PAK2: variants seen among roughly 807,000 people sequenced by gnomAD.
PAK2 encodes serine/threonine-protein kinase PAK 2.
Under a neutral mutation model 65.9 loss-of-function variants are expected in PAK2, and 21 were observed. The observed-to-expected ratio is 0.32, with a 90% CI of 0.23 to 0.46. The LOEUF (loss-of-function observed/expected upper bound fraction) is 0.46. Ranked by LOEUF, PAK2 falls within the 20% of genes least tolerant of loss-of-function variation. The pLI, the probability that PAK2 is intolerant of heterozygous loss-of-function variation, is 1.00. For synonymous variants in PAK2, 204 were observed against 219.7 expected (o/e 0.93, Z 0.63); for missense variants, 324 against 642.6 (o/e 0.50, Z 5.36).
chr3:196,825,160 A>G (rs1023777330), intron 13 of PAK2, among the ~76,000 whole-genome samples: 38 of 151,756 alleles, frequency 2.5e-4, no homozygotes, highest in Non-Finnish European at 7.4e-5. Context: ...AGCCTGGCCA[A>G]TGTGGTGAAA....
intron 7 of PAK2, 71 bp from the exon 8 acceptor site, chr3:196,810,519 G>T (rs997469512): frequency 1.2e-6 from 1 of 813,880 alleles, no homozygotes; most frequent in Non-Finnish European, 2.1e-6. Flanking sequence ...TTCATTAAAA[G>T]GAATAATAAT....
intron 1 of PAK2, among the ~76,000 whole-genome samples, chr3:196,754,420 G>A (rs575752221): frequency 3.3e-5 from 5 of 152,094 alleles, no homozygotes; most frequent in Non-Finnish European, 7.4e-5. Flanking sequence ...TGATGAAACC[G>A]CTTCTCAGAT....
intron 14 of PAK2, 100 bp from the exon 15 acceptor site, chr3:196,828,216 TATG>T (rs1276856967): frequency 1.9e-5 from 13 of 696,308 alleles, no homozygotes; most frequent in Admixed American, 1.5e-4. Context: ...TTTATTAAAT[TATG>T]ATCGACAAGT....
rs1712064618 is a variant in PAK2 at position 196,831,049 on chromosome 3, G to C, written c.*2644G>C. 6.6e-6 allele frequency: 1 copy of C among 152,080 alleles called. No individual in the cohort carries two copies. The highest frequency in any genetic ancestry group is 2.4e-5 in the African/African-American group (1 of 41,390). The allele number at this position is 152,080 out of a possible 1,614,324, so 9.4% of individuals were successfully genotyped here. On this transcript the variant is annotated 3_prime_UTR_variant, in exon 15 of 15. Transcript: ENST00000327134. Reference sequence around the variant, plus strand: ...CCACAGGCACCCGCCACCACACCCAGCTATTTTTTTGTATTTTTAGTAGAG... The same window carrying C: ...CCACAGGCACCCGCCACCACACCCACCTATTTTTTTGTATTTTTAGTAGAG...
chr3:196,766,964 G>T lies in PAK2; in HGVS notation c.-21-15662G>T, dbSNP rs868813645. On this transcript the variant is annotated intron_variant, in intron 1 of 14. Coordinates refer to ENST00000327134, the MANE Select transcript of PAK2 (RefSeq NM_002577.4). ...TGTGTGTGTGTGTGTGTGTGTGTGTGTGTGTGTGTGTATTGATACACCTTC... is the reference window on the plus strand; with the variant it reads ...TGTGTGTGTGTGTGTGTGTGTGTGTTTGTGTGTGTGTATTGATACACCTTC... Among the ~76,000 whole-genome samples, 6 of 144,968 alleles carry T rather than the reference G, an allele frequency of 4.1e-5. No homozygotes were observed. In the South Asian group the frequency reaches 8.6e-4, roughly 21 times the overall value.
At position 196,759,489 on chromosome 3, in the gene PAK2, G is replaced by GTTTTTTTT. The variant is rs1418582155; in HGVS notation, c.-22+19333_-22+19340dup. Among the ~76,000 whole-genome samples the GTTTTTTTT allele has an allele frequency of 8.5e-4, 84 of 98,852 alleles. 4 individuals carry two copies. The highest frequency in any genetic ancestry group is 1.8e-3 in the South Asian group (5 of 2,856). 64.9% of individuals were successfully genotyped at this position (98,852 alleles called of 152,430 possible). ...ACCCTTTAAGGTATACAGTTAAGTGGTTTTTTTTGTTTTTTTTTTTTTTTT... is the reference window on the plus strand; with the variant it reads ...ACCCTTTAAGGTATACAGTTAAGTGGTTTTTTTTTTTTTTTTGTTTTTTTTTTTTTTTT... On this transcript the variant is annotated intron_variant, in intron 1 of 14. Transcript: ENST00000327134.
intron 2 of PAK2, among the ~76,000 whole-genome samples, chr3:196,796,174 GT>G (rs1184231026): frequency 6.6e-6 from 1 of 152,182 alleles, no homozygotes; most frequent in East Asian, 1.9e-4. Context: ...GTACCAGTTT[GT>G]GGCCTGGGGG....
chr3:196,811,321 TCCTTC>T (rs1166813689), intron 8 of PAK2, among the ~76,000 whole-genome samples: 9 of 4,302 alleles, frequency 2.1e-3, no homozygotes, highest in Non-Finnish European at 3.4e-3. Flanking sequence ...TTCCTTTCCT[TCCTTC>T]CCTTCCCTCC....
chr3:196,796,887 A>G (rs1434953233), intron 2 of PAK2, among the ~76,000 whole-genome samples: 1 of 152,240 alleles, frequency 6.6e-6, no homozygotes, highest in Non-Finnish European at 1.5e-5. Flanking sequence ...TTAAGATGAT[A>G]TAATAGAACT....
At chr3:196,759,525 T>TTTTTTTTTTTTTTTTTTTTTTTTTTTTTG (rs1560092904) in intron 1 of PAK2, among the ~76,000 whole-genome samples, 2 of 131,628 alleles carry the variant, frequency 1.5e-5, no homozygotes, top group African/African-American at 2.8e-5. Context: ...TTTTTTTTTT[T>TTTTTTTTTTTTTTTTTTTTTTTTTTTTTG]TTTTTTTTTT....
intron 1 of PAK2, among the ~76,000 whole-genome samples, chr3:196,762,522 T>C (rs545907092): frequency 4.0e-5 from 6 of 150,868 alleles, no homozygotes; most frequent in Non-Finnish European, 8.9e-5. Context: ...CAGCGAAACC[T>C]CGTCTCCACC....
intron 5 of PAK2, among the ~76,000 whole-genome samples, chr3:196,805,900 T>C: frequency 6.6e-6 from 1 of 150,586 alleles, no homozygotes. Context: ...TTTATTTTAT[T>C]TATTTATTTA....
chr3:196,810,916 C>A (rs865920988), intron 8 of PAK2, among the ~76,000 whole-genome samples: 1 of 151,798 alleles, frequency 6.6e-6, no homozygotes, highest in Non-Finnish European at 1.5e-5. Flanking sequence ...AAGAATTGCC[C>A]ATAAAATATA....
chr3:196,812,083 T>A, intron 8 of PAK2, 136 bp from the exon 9 acceptor site: 1 of 557,476 alleles, frequency 1.8e-6, no homozygotes, highest in Non-Finnish European at 3.3e-6. Context: ...AGGTTTTTGC[T>A]TTTACTCCTT....
At chr3:196,795,538 A>G (rs1273703195) in intron 2 of PAK2, among the ~76,000 whole-genome samples, 1 of 152,106 alleles carries the variant, frequency 6.6e-6, no homozygotes, top group Non-Finnish European at 1.5e-5. Context: ...AAAAAAAATG[A>G]AAGACTCATT....
chr3:196,799,505 T>C (rs560890580), intron 2 of PAK2, among the ~76,000 whole-genome samples: 2 of 152,290 alleles, frequency 1.3e-5, no homozygotes, highest in East Asian at 1.9e-4. Flanking sequence ...GAGTTGCTTA[T>C]AAAAGCCAGT....
At chr3:196,781,228 C>G (rs1714705665) in intron 1 of PAK2, among the ~76,000 whole-genome samples, 1 of 152,148 alleles carries the variant, frequency 6.6e-6, no homozygotes, top group Non-Finnish European at 1.5e-5. Context: ...ATTAAATAAT[C>G]TTAGAATCAA....
chr3:196,746,155 C>A (rs531396125), intron 1 of PAK2, among the ~76,000 whole-genome samples: 1 of 152,046 alleles, frequency 6.6e-6, no homozygotes, highest in South Asian at 2.1e-4. Context: ...ATTACATTGG[C>A]CTGAAGTTCC....
intron 1 of PAK2, among the ~76,000 whole-genome samples, chr3:196,769,622 T>C (rs559711189): frequency 3.9e-4 from 57 of 146,066 alleles, no homozygotes; most frequent in East Asian, 2.0e-3. Context: ...CTGTCCTGGC[T>C]AACACGGTGA....
Sources: allele counts gnomAD v4.1 joint callset (sites outside exome capture counted in the v4.1 genomes callset), GRCh38; gene constraint gnomAD v4.1.1; transcripts MANE v1.5; gene names NCBI Gene and HGNC (gene_info 2026-07-23, HGNC 2026-07-21).